The following SLC15A3 variants were observed in gnomAD, a reference collection of about 807,000 sequenced individuals.
The protein encoded by SLC15A3 is solute carrier family 15 member 3, also known as osteoclast transporter.
A neutral mutation model predicts 49.2 loss-of-function variants in SLC15A3; 39 were observed. The observed-to-expected ratio is 0.79, with a 90% CI of 0.61 to 1.04. The LOEUF is 1.04. Among genes scored for constraint, SLC15A3 ranks in the 50% least tolerant of loss-of-function variants. The pLI, the probability that SLC15A3 is intolerant of heterozygous loss-of-function variation, is 0.00. For missense variants in SLC15A3, 758 were observed against 794.8 expected, an observed-to-expected ratio of 0.95 and a Z score of 0.56; for synonymous variants, 339 against 367.0, an observed-to-expected ratio of 0.92 and a Z score of 0.87.
At chr11:60,938,587 G>A (rs559739351) in intron 6 of SLC15A3, among the ~76,000 whole-genome samples, 1 of 152,206 alleles carries the variant, frequency 6.6e-6, no homozygotes, top group East Asian at 1.9e-4. Flanking sequence ...GAGGAGGGGC[G>A]CTGTTGCCTT....
In SLC15A3 at chr11:60,943,764, G is replaced by A. The variant is rs373300409; in HGVS notation, c.921C>T (p.Ile307=). ...TCTTCACCAGCACCTGGAAGTTGGCGATGTCCTCTTGCGGGGAAGCCCCTG... is the reference window on the plus strand; with the variant it reads ...TCTTCACCAGCACCTGGAAGTTGGCAATGTCCTCTTGCGGGGAAGCCCCTG... ...PQPGASPQED[I]ANFQVLVKIL... Residue 307 remains isoleucine, a synonymous_variant, in exon 3 of 8, where the codon ATC becomes ATT. Coordinates refer to ENST00000227880, the MANE Select transcript of SLC15A3 (RefSeq NM_016582.3). 49 of 1,605,308 alleles carry A rather than the reference G, an allele frequency of 3.1e-5. No homozygotes were observed. In the East Asian group the frequency reaches 5.7e-4, roughly 19 times the overall value.
intron 5 of SLC15A3, chr11:60,940,158 T>A (rs1195599447): frequency 1.3e-5 from 2 of 159,414 alleles, no homozygotes; most frequent in Non-Finnish European, 2.8e-5. Flanking sequence ...TGTTATCTCC[T>A]TCTCCTGTGT....
intron 1 of SLC15A3, among the ~76,000 whole-genome samples, chr11:60,949,570 A>AAGAAAAGAAAAGAG (rs1856878168): frequency 1.3e-5 from 2 of 150,878 alleles, no homozygotes; most frequent in South Asian, 4.2e-4. Flanking sequence ...GAAAGAAAGA[A>AAGAAAAGAAAAGAG]AAGAGATGGC....
chr11:60,942,084 T>G lies in SLC15A3; in HGVS notation c.1058A>C (p.Asn353Thr), dbSNP rs1290220728. 1 of 1,614,034 alleles carries G rather than the reference T, an allele frequency of 6.2e-7. No homozygotes were observed. Among genetic ancestry groups the G allele is most frequent in the South Asian group, 1.1e-5 (1 of 91,076 alleles). The stretch of plus-strand genomic sequence containing the variant: ...CAGGGCCACAGAGATGTTGGCCGGG[T>G]TGGCTGGGAAAATGTTTGGGATGTG... Reference protein sequence around the residue: ...HLHIPNIFPANPANISVALRA... With the variant: ...HLHIPNIFPATPANISVALRA... The change falls in exon 4 of 8, where the codon AAC becomes ACC. Residue 353 changes from asparagine (N) to threonine (T), a missense_variant. Transcript: ENST00000227880.
At chr11:60,944,481 CCT>C (rs1442845595) in intron 2 of SLC15A3, among the ~76,000 whole-genome samples, 4 of 152,156 alleles carry the variant, frequency 2.6e-5, no homozygotes, top group Non-Finnish European at 5.9e-5. Flanking sequence ...ATTATTCTAT[CCT>C]CTCTTTTGCT....
chr11:60,941,969 C>G, intron 4 of SLC15A3, 66 bp downstream of exon 4: 1 of 1,456,380 alleles, frequency 6.9e-7, no homozygotes, highest in Non-Finnish European at 9.6e-7. Flanking sequence ...GTTTCATTTC[C>G]TCCTCTTCTC....
At position 60,937,934 on chromosome 11, in the gene SLC15A3, C is replaced by T; in HGVS notation, c.1527G>A (p.Leu509=). Residue 509 remains leucine, a synonymous_variant, in exon 7 of 8, where the codon TTG becomes TTA. Coordinates refer to ENST00000227880, the MANE Select transcript of SLC15A3 (RefSeq NM_016582.3). ...FFCLSGVGSL[L]GSSLVALLSL... The stretch of plus-strand genomic sequence containing the variant: ...ACAGCAGTGCCACTAGGCTGGAGCC[C>T]AACAGTGAGCCCACCCCCGACAGGC... 1 of 1,614,196 alleles carries T rather than the reference C, an allele frequency of 6.2e-7. No individual in the cohort carries two copies. The highest frequency in any genetic ancestry group is 8.5e-7 in the Non-Finnish European group (1 of 1,180,010).
At chr11:60,941,980 A>C in intron 4 of SLC15A3, 55 bp downstream of exon 4, 1 of 1,532,942 alleles carries the variant, frequency 6.5e-7, no homozygotes, top group Non-Finnish European at 9.0e-7. Flanking sequence ...TCCTCTTCTC[A>C]GAGGAAGCCG....
rs201995321 is a variant in SLC15A3, at chr11:60,941,215, C to G, written c.1183G>C (p.Asp395His). 14 of 1,614,130 alleles carry G rather than the reference C, an allele frequency of 8.7e-6. No individual in the cohort carries two copies. Among genetic ancestry groups the G allele is most frequent in the Admixed American group, 6.7e-5 (4 of 60,024 alleles). ...ILVPLKDRLI[D>H]PLLLRCKLLP... ...AGCTTGCACCGCAGCAGTAAAGGGT[C>G]GATCAAGCGGTCCTTCAGAGGGACC... The change falls in exon 5 of 8, where the codon GAC becomes CAC. Residue 395 changes from aspartate to histidine, a missense_variant. Asp to His is a moderately conservative substitution (Grantham distance 81, BLOSUM62 -1). This residue lies in a region of SLC15A3 where 699 missense variants were observed against 706.7 expected (regional missense o/e 0.99). Coordinates refer to ENST00000227880, the MANE Select transcript of SLC15A3 (RefSeq NM_016582.3).
chr11:60,949,292 G>A lies in SLC15A3; in HGVS notation c.558+1702C>T, dbSNP rs1048486039. 4.6e-5 allele frequency among the ~76,000 whole-genome samples: 7 copies of A among 151,618 alleles called. No individual in the cohort carries two copies. The South Asian group carries it at 6.2e-4, about 13-fold the overall frequency. On this transcript the variant is annotated intron_variant, in intron 1 of 7. Coordinates refer to ENST00000227880, the MANE Select transcript of SLC15A3 (RefSeq NM_016582.3). ...GTGGAGGTTGCAGTGATCTGAGATC[G>A]CACCTCTGCACTCCAGCGTAGGCAA...
chr11:60,949,564 G>GAAAGAAAGAAAGAAAGAAAGAAAGA lies in SLC15A3; in HGVS notation c.558+1429_558+1430insTCTTTCTTTCTTTCTTTCTTTCTTT, dbSNP rs1554986438. On this transcript the variant is annotated intron_variant, in intron 1 of 7. Coordinates refer to ENST00000227880, the MANE Select transcript of SLC15A3 (RefSeq NM_016582.3). ...AGAAAGAAAGAAAGAAAGAAAGAAAGAAAGAAAAGAGATGGCCAGGGCTGG... is the reference window on the plus strand; with the variant it reads ...AGAAAGAAAGAAAGAAAGAAAGAAAGAAAGAAAGAAAGAAAGAAAGAAAGAAAAGAAAAGAGATGGCCAGGGCTGG... Among the ~76,000 whole-genome samples, 12 of 118,016 alleles carry GAAAGAAAGAAAGAAAGAAAGAAAGA rather than the reference G, an allele frequency of 1.0e-4. 2 individuals are homozygous for GAAAGAAAGAAAGAAAGAAAGAAAGA. The highest frequency in any genetic ancestry group is 5.3e-4 in the East Asian group (2 of 3,782). 77.4% of individuals were successfully genotyped at this position (118,016 alleles called of 152,430 possible).
intron 1 of SLC15A3, chr11:60,947,648 A>C (rs529248937): frequency 1.3e-5 from 2 of 152,124 alleles, no homozygotes; most frequent in Admixed American, 6.5e-5. Context: ...CTTTCACCCC[A>C]CTTTTGTCCC....
intron 1 of SLC15A3, among the ~76,000 whole-genome samples, chr11:60,950,407 A>G (rs1320132621): frequency 1.3e-5 from 2 of 152,220 alleles, no homozygotes; most frequent in Non-Finnish European, 2.9e-5. Flanking sequence ...TAAAATGGGC[A>G]TAATAATTCC....
Position 60,951,420 on chromosome 11 carries a change from C to G in SLC15A3, c.132G>C (p.Leu44=). The G allele has an allele frequency of 6.6e-7, 1 of 1,524,706 alleles. No homozygotes were observed. The highest frequency in any genetic ancestry group is 8.8e-7 in the Non-Finnish European group (1 of 1,140,886). The allele number at this position is 1,524,706 out of a possible 1,614,324, so 94.4% of individuals were successfully genotyped here. Residue 44 remains leucine, a synonymous_variant, in exon 1 of 8, where the codon CTG becomes CTC. Transcript: ENST00000227880. The part of the protein sequence containing the change: ...AGAAVLLVEM[L]ERAAFFGVTA... ...TGACGCCGAAGAAGGCGGCGCGCTCCAGCATCTCCACCAGCAGCACGGCCG... is the reference window on the plus strand; with the variant it reads ...TGACGCCGAAGAAGGCGGCGCGCTCGAGCATCTCCACCAGCAGCACGGCCG...
chr11:60,941,987 GC>G (rs775514908), intron 4 of SLC15A3, 47 bp downstream of exon 4: 64 of 1,555,600 alleles, frequency 4.1e-5, no homozygotes, highest in Non-Finnish European at 4.9e-5. Context: ...CTCAGAGGAA[GC>G]CGCTACCTGG....
rs1446418653 is a variant in SLC15A3, at chr11:60,939,558, C to T, written c.1357G>A (p.Ala453Thr). 3.1e-6 allele frequency: 5 copies of T among 1,614,012 alleles called. No homozygotes were observed. The South Asian group carries it at 4.4e-5, about 14-fold the overall frequency. ...SQQIGEVLYN[A>T]APLSIWWQIP... ...TGCCACCAGATGGACAGTGGTGCCG[C>T]GTTGTACAGGACCTCCCCAATCTGC... The change falls in exon 6 of 8, where the codon GCG becomes ACG. Residue 453 changes from alanine to threonine, a missense_variant. This residue lies in a region of SLC15A3 where 699 missense variants were observed against 706.7 expected (regional missense o/e 0.99). Transcript: ENST00000227880.
intron 2 of SLC15A3, among the ~76,000 whole-genome samples, chr11:60,944,657 A>G (rs985768037): frequency 6.6e-6 from 1 of 152,110 alleles, no homozygotes; most frequent in Non-Finnish European, 1.5e-5. Context: ...AGCCTGACTC[A>G]GAGAGAGACG....
At chr11:60,941,959 G>A in intron 4 of SLC15A3, 76 bp downstream of exon 4, 4 of 1,420,000 alleles carry the variant, frequency 2.8e-6, no homozygotes, top group Non-Finnish European at 4.0e-6. Flanking sequence ...TGTGAAGGCA[G>A]TTTCATTTCC....
At chr11:60,948,944 A>G (rs926950125) in intron 1 of SLC15A3, among the ~76,000 whole-genome samples, 1 of 152,190 alleles carries the variant, frequency 6.6e-6, no homozygotes, top group Non-Finnish European at 1.5e-5. Context: ...TGCTAGTGGG[A>G]TGTCAATGAA....
Sources: gnomAD v4.1 joint callset for allele counts (sites outside exome capture counted in the v4.1 genomes callset) on GRCh38, gnomAD v4.1.1 for gene constraint, gnomAD v4.1.1 regional missense constraint, MANE v1.5 for transcripts, NCBI Gene and HGNC (gene_info 2026-07-23, HGNC 2026-07-21) for gene names.